The following LUZP2 variants were observed in gnomAD, a reference collection of about 807,000 sequenced individuals.
The protein encoded by LUZP2 is leucine zipper protein 2.
In LUZP2, 52 loss-of-function variants were observed where a neutral mutation model predicts 51.6. That is an observed-to-expected ratio of 1.01 (90% confidence interval 0.81 to 1.27). The LOEUF (loss-of-function observed/expected upper bound fraction) is 1.27, where lower values mean the gene tolerates loss of function less well. Among genes scored for constraint, LUZP2 ranks in the 50% most tolerant of loss-of-function variants. LUZP2 has a pLI of 0.00. For synonymous variants in LUZP2, 154 were observed against 137.3 expected (o/e 1.12, Z -0.85); for missense variants, 436 against 395.4 (o/e 1.10, Z -0.87).
intron 7 of LUZP2, among the ~76,000 whole-genome samples, chr11:24,974,849 A>G (rs1428503816): frequency 2.0e-5 from 3 of 152,072 alleles, no homozygotes; most frequent in Admixed American, 1.3e-4. Context: ...GTGGTAGGAA[A>G]GAAAGATTGA....
chr11:25,056,485 G>A (rs955454168), intron 10 of LUZP2, among the ~76,000 whole-genome samples: 1 of 152,066 alleles, frequency 6.6e-6, no homozygotes, highest in Non-Finnish European at 1.5e-5. Flanking sequence ...TTTGATTCCT[G>A]TTGGTCATAC....
rs144003463 is a variant in LUZP2, at chr11:24,596,924, A to G, written c.62+99619A>G. ...AGCAATTTTTAAATCTCTGTTTTTCAGCTGAAGTGTCAAAATATGAAGAGG... is the reference window on the plus strand; with the variant it reads ...AGCAATTTTTAAATCTCTGTTTTTCGGCTGAAGTGTCAAAATATGAAGAGG... On this transcript the variant is annotated intron_variant, in intron 1 of 11. Transcript: ENST00000336930. Among the ~76,000 whole-genome samples, 1,099 of 152,308 alleles carry G rather than the reference A, an allele frequency of 7.2e-3. 17 individuals carry two copies. The highest frequency in any genetic ancestry group is 0.024 in the African/African-American group (1,013 of 41,556).
intron 5 of LUZP2, among the ~76,000 whole-genome samples, chr11:24,796,215 A>G (rs191087543): frequency 1.3e-5 from 2 of 152,180 alleles, no homozygotes; most frequent in East Asian, 3.9e-4. Flanking sequence ...TCAAGACCTT[A>G]AGCAAATGGC....
intron 1 of LUZP2, among the ~76,000 whole-genome samples, chr11:24,582,384 T>C (rs1445222123): frequency 7.5e-6 from 1 of 133,000 alleles, no homozygotes; most frequent in Non-Finnish European, 1.5e-5. Context: ...TAGAAATAAA[T>C]AGAGAGATGA....
At chr11:24,528,069 T>C (rs1172156368) in intron 1 of LUZP2, among the ~76,000 whole-genome samples, 2 of 151,302 alleles carry the variant, frequency 1.3e-5, no homozygotes, top group Non-Finnish European at 3.0e-5. Flanking sequence ...CCTCTATTCA[T>C]AGTCGATGTA....
At chr11:24,613,116 A>G (rs1854174201) in intron 1 of LUZP2, among the ~76,000 whole-genome samples, 2 of 152,228 alleles carry the variant, frequency 1.3e-5, no homozygotes, top group South Asian at 4.1e-4. Flanking sequence ...AAAACCAAAA[A>G]ACAGCTACTG....
At chr11:24,809,111 T>C (rs1253034043) in intron 5 of LUZP2, among the ~76,000 whole-genome samples, 1 of 152,122 alleles carries the variant, frequency 6.6e-6, no homozygotes, top group Non-Finnish European at 1.5e-5. Context: ...AATGTGGAAA[T>C]GTATAATATG....
intron 8 of LUZP2, among the ~76,000 whole-genome samples, chr11:24,978,128 G>T (rs1401267690): frequency 1.3e-5 from 2 of 151,558 alleles, no homozygotes; most frequent in Admixed American, 6.6e-5. Context: ...GTATAAAATA[G>T]AGGGGAGCTT....
chr11:24,838,578 A>G (rs1379931941), intron 5 of LUZP2, among the ~76,000 whole-genome samples: 2 of 151,684 alleles, frequency 1.3e-5, no homozygotes, highest in Admixed American at 6.6e-5. Flanking sequence ...TATTGCCCTT[A>G]GGGAACAAGC....
chr11:24,807,850 G>C (rs1590565629), intron 5 of LUZP2, among the ~76,000 whole-genome samples: 2 of 152,224 alleles, frequency 1.3e-5, no homozygotes. Flanking sequence ...CGACCATCTT[G>C]CTCTTTGGCT....
At chr11:24,633,962 GTGTA>G (rs1255652238) in intron 1 of LUZP2, among the ~76,000 whole-genome samples, 1 of 140,918 alleles carries the variant, frequency 7.1e-6, no homozygotes, top group East Asian at 2.5e-4. Flanking sequence ...GTGTGTGTGT[GTGTA>G]TATATAGTCT....
intron 1 of LUZP2, among the ~76,000 whole-genome samples, chr11:24,524,290 A>G (rs989816847): frequency 4.0e-5 from 6 of 151,774 alleles, no homozygotes; most frequent in African/African-American, 1.4e-4. Context: ...GGTCATCTGA[A>G]GGTGGTAAAA....
chr11:24,756,480 G>A (rs76848682), intron 4 of LUZP2, among the ~76,000 whole-genome samples: 2 of 152,176 alleles, frequency 1.3e-5, no homozygotes, highest in East Asian at 3.9e-4. Flanking sequence ...CAGCATAACT[G>A]CAGCTCTATA....
Position 24,914,545 on chromosome 11 carries a change from C to A in LUZP2, c.522+7C>A, listed in dbSNP as rs745644147. On this transcript the variant is annotated splice_region_variant and intron_variant, in intron 7 of 11. Transcript: ENST00000336930. Reference sequence around the variant, plus strand: ...GAAGGATTTATTATTTAAGGTGAGTCTCTTTTCTCTCTTTTCCCTGAAACT... The same window carrying A: ...GAAGGATTTATTATTTAAGGTGAGTATCTTTTCTCTCTTTTCCCTGAAACT... 1.0e-5 allele frequency: 16 copies of A among 1,569,450 alleles called. No homozygotes were observed. Among genetic ancestry groups the A allele is most frequent in the Non-Finnish European group, 1.3e-5 (15 of 1,152,388 alleles).
intron 1 of LUZP2, among the ~76,000 whole-genome samples, chr11:24,713,575 T>A (rs1256583267): frequency 6.6e-6 from 1 of 151,236 alleles, no homozygotes; most frequent in African/African-American, 2.4e-5. Flanking sequence ...ACACGGTGGC[T>A]CACCCTGCAA....
At chr11:24,921,720 A>G (rs1854064852) in intron 7 of LUZP2, among the ~76,000 whole-genome samples, 3 of 152,172 alleles carry the variant, frequency 2.0e-5, no homozygotes. Context: ...AAACATATAC[A>G]GGAAGATGTG....
intron 6 of LUZP2, among the ~76,000 whole-genome samples, chr11:24,914,107 T>C (rs1475725135): frequency 6.6e-6 from 1 of 152,116 alleles, no homozygotes; most frequent in Non-Finnish European, 1.5e-5. Context: ...AAAAAAGTAA[T>C]TGAAAATAAG....
chr11:24,853,115 A>G (rs574389662), intron 5 of LUZP2, among the ~76,000 whole-genome samples: 10 of 152,236 alleles, frequency 6.6e-5, no homozygotes, highest in African/African-American at 2.2e-4. Flanking sequence ...TCCTGTCATT[A>G]TGATGCTAGC....
chr11:25,069,549 C>T (rs1304223095), intron 10 of LUZP2, among the ~76,000 whole-genome samples: 1 of 151,674 alleles, frequency 6.6e-6, no homozygotes, highest in Non-Finnish European at 1.5e-5. Context: ...AGCATGTTTT[C>T]CCAGTGAGTA....
Sources: allele counts gnomAD v4.1 joint callset (sites outside exome capture counted in the v4.1 genomes callset), GRCh38; gene constraint gnomAD v4.1.1; transcripts MANE v1.5; gene names NCBI Gene and HGNC (gene_info 2026-07-23, HGNC 2026-07-21).